Variants in PDE4D observed in about 807,000 individuals in gnomAD.
PDE4D encodes the protein phosphodiesterase 4D.
Under a neutral mutation model 87.4 loss-of-function variants are expected in PDE4D, and 24 were observed. The observed-to-expected ratio is 0.27, with a 90% CI of 0.20 to 0.39. The LOEUF is 0.39. PDE4D is among the 10% of genes least tolerant of loss of function. The pLI is 1.00. For missense variants in PDE4D, 714 were observed against 1,041.0 expected (o/e 0.69, Z 4.32); for synonymous variants, 384 against 383.2 (o/e 1.00, Z -0.02).
At chr5:60,509,077 T>G (rs958962397) in intron 1 of PDE4D, among the ~76,000 whole-genome samples, 1 of 152,014 alleles carries the variant, frequency 6.6e-6, no homozygotes, top group Non-Finnish European at 1.5e-5. Context: ...TTTTTATGTT[T>G]TTAGTAGAGA....
At chr5:60,304,601 C>T (rs1013061816) in intron 1 of PDE4D, among the ~76,000 whole-genome samples, 2 of 142,216 alleles carry the variant, frequency 1.4e-5, no homozygotes, top group East Asian at 2.1e-4. Context: ...GCCGAGATTG[C>T]GCCACTGCAG....
chr5:60,408,353 C>T (rs1443501383), intron 1 of PDE4D, among the ~76,000 whole-genome samples: 2 of 152,222 alleles, frequency 1.3e-5, no homozygotes, highest in Non-Finnish European at 2.9e-5. Flanking sequence ...GTGGAGGCTC[C>T]AATCCTGAAA....
chr5:59,372,574 C>T (rs1784091646), intron 1 of PDE4D, among the ~76,000 whole-genome samples: 1 of 152,298 alleles, frequency 6.6e-6, no homozygotes, highest in Non-Finnish European at 1.5e-5. Context: ...GAATCCTCCC[C>T]TACCCTGAGC....
At chr5:59,335,835 G>T (rs900259735) in intron 1 of PDE4D, among the ~76,000 whole-genome samples, 1 of 152,108 alleles carries the variant, frequency 6.6e-6, no homozygotes, top group African/African-American at 2.4e-5. Context: ...TAGTTCAAAA[G>T]ACTCCAGAAA....
chr5:59,760,645 A>C (rs1248479323), intron 1 of PDE4D, among the ~76,000 whole-genome samples: 1 of 152,170 alleles, frequency 6.6e-6, no homozygotes, highest in Non-Finnish European at 1.5e-5. Flanking sequence ...ATTTGGTTTT[A>C]ATTATATTTG....
intron 1 of PDE4D, among the ~76,000 whole-genome samples, chr5:60,426,106 T>C (rs1490141321): frequency 5.3e-5 from 8 of 152,198 alleles, no homozygotes. Context: ...AGTTCAACCA[T>C]TGTGGAAGAC....
At chr5:59,668,885 G>GAAA in intron 1 of PDE4D, among the ~76,000 whole-genome samples, 1 of 78,366 alleles carries the variant, frequency 1.3e-5, no homozygotes, top group South Asian at 4.9e-4. Flanking sequence ...AGAAGAAGAA[G>GAAA]AAGAAGAAGA....
chr5:60,187,518 G>T (rs1784877955), intron 1 of PDE4D, among the ~76,000 whole-genome samples: 1 of 152,148 alleles, frequency 6.6e-6, no homozygotes, highest in South Asian at 2.1e-4. Flanking sequence ...CCATGGAATA[G>T]TTGCCCTACT....
At chr5:60,518,167 C>T (rs1176470400) in intron 1 of PDE4D, among the ~76,000 whole-genome samples, 1 of 152,264 alleles carries the variant, frequency 6.6e-6, no homozygotes, top group African/African-American at 2.4e-5. Context: ...GCATGACTGG[C>T]TGTGCACAAT....
intron 2 of PDE4D, among the ~76,000 whole-genome samples, chr5:60,180,622 C>T (rs990461315): frequency 6.6e-6 from 1 of 152,094 alleles, no homozygotes; most frequent in Non-Finnish European, 1.5e-5. Context: ...ATGTATCTTA[C>T]ATTGGATACT....
chr5:60,249,194 T>G (rs1429688593), intron 1 of PDE4D, among the ~76,000 whole-genome samples: 1 of 151,954 alleles, frequency 6.6e-6, no homozygotes, highest in African/African-American at 2.4e-5. Flanking sequence ...GTACAATGCT[T>G]TAGGGAGAAA....
At chr5:59,364,706 C>T (rs1463123285) in intron 1 of PDE4D, among the ~76,000 whole-genome samples, 1 of 152,098 alleles carries the variant, frequency 6.6e-6, no homozygotes, top group Non-Finnish European at 1.5e-5. Context: ...CAAAAACACA[C>T]AAAGCTTTGA....
chr5:59,326,262 TATA>T (rs1022819452), intron 1 of PDE4D, among the ~76,000 whole-genome samples: 3 of 152,028 alleles, frequency 2.0e-5, no homozygotes, highest in African/African-American at 4.8e-5. Context: ...AAACTTAAAG[TATA>T]ATAATAAAAA....
At chr5:59,482,945 G>A (rs1463984045) in intron 1 of PDE4D, among the ~76,000 whole-genome samples, 1 of 152,112 alleles carries the variant, frequency 6.6e-6, no homozygotes, top group Non-Finnish European at 1.5e-5. Context: ...TTTTGGATAA[G>A]AGTAACATTT....
At chr5:60,280,287 T>G (rs1751766522) in intron 1 of PDE4D, among the ~76,000 whole-genome samples, 1 of 150,364 alleles carries the variant, frequency 6.7e-6, no homozygotes, top group Non-Finnish European at 1.5e-5. Flanking sequence ...TCTCTCCATA[T>G]TTCAGAGTAT....
chr5:59,756,073 G>C (rs1252353185), intron 1 of PDE4D, among the ~76,000 whole-genome samples: 1 of 151,400 alleles, frequency 6.6e-6, no homozygotes, highest in African/African-American at 2.4e-5. Context: ...CTTCAAAAAG[G>C]TTTTCTATTA....
chr5:59,530,172 C>T (rs972958133), intron 1 of PDE4D, among the ~76,000 whole-genome samples: 3 of 152,146 alleles, frequency 2.0e-5, no homozygotes, highest in Admixed American at 6.5e-5. Flanking sequence ...CCAATATTCA[C>T]CTAGGCATTT....
chr5:59,994,305 G>GTA (rs369127665), intron 2 of PDE4D, among the ~76,000 whole-genome samples: 1 of 150,574 alleles, frequency 6.6e-6, no homozygotes, highest in Admixed American at 6.6e-5. Context: ...GTGTGTGTGT[G>GTA]TATATATACA....
At chr5:59,466,917 T>C (rs1180974493) in intron 1 of PDE4D, among the ~76,000 whole-genome samples, 2 of 152,144 alleles carry the variant, frequency 1.3e-5, no homozygotes, top group Non-Finnish European at 2.9e-5. Flanking sequence ...CTCCAAAATT[T>C]GTACGTTGAA....
Sources: gnomAD v4.1 joint callset for allele counts (sites outside exome capture counted in the v4.1 genomes callset) on GRCh38, gnomAD v4.1.1 for gene constraint, MANE v1.5 for transcripts, NCBI Gene and HGNC (gene_info 2026-07-23, HGNC 2026-07-21) for gene names.